Variants in GABRA4 observed in about 807,000 individuals in gnomAD.
GABRA4 encodes the protein gamma-aminobutyric acid type A receptor subunit alpha4.
In GABRA4, 12 loss-of-function variants were observed where a neutral mutation model predicts 49.7. The observed-to-expected ratio is 0.24, with a 90% CI of 0.15 to 0.39. The LOEUF (loss-of-function observed/expected upper bound fraction) is 0.39. Ranked by LOEUF, GABRA4 falls within the 10% of genes least tolerant of loss-of-function variation. The pLI, the probability that GABRA4 is intolerant of heterozygous loss-of-function variation, is 1.00. For missense variants in GABRA4, 506 were observed against 686.0 expected (o/e 0.74, Z 2.93); for synonymous variants, 288 against 240.2 (o/e 1.20, Z -1.84).
chr4:46,979,389 A>G (rs1723270355), intron 2 of GABRA4, among the ~76,000 whole-genome samples: 1 of 152,086 alleles, frequency 6.6e-6, no homozygotes, highest in East Asian at 1.9e-4. Context: ...ATGCAGAGAC[A>G]CAAAAGCTTT....
At chr4:46,963,543 T>C (rs1032046519) in intron 8 of GABRA4, among the ~76,000 whole-genome samples, 1 of 151,832 alleles carries the variant, frequency 6.6e-6, no homozygotes, top group Admixed American at 6.6e-5. Flanking sequence ...CCTCCCACCA[T>C]GATTCTGAGG....
At chr4:46,971,664 T>C (rs1722951598) in intron 6 of GABRA4, among the ~76,000 whole-genome samples, 1 of 150,990 alleles carries the variant, frequency 6.6e-6, no homozygotes, top group African/African-American at 2.4e-5. Flanking sequence ...CACACATTTA[T>C]GAAAATATAA....
At chr4:46,943,978 C>T (rs1005886428) in intron 8 of GABRA4, among the ~76,000 whole-genome samples, 26 of 151,772 alleles carry the variant, frequency 1.7e-4, no homozygotes, top group African/African-American at 5.6e-4. Flanking sequence ...GTGGTGTGGG[C>T]CAGGGGGGAA....
rs1246204112 is a variant in GABRA4 at position 46,924,090 on chromosome 4, A to G, written c.*4135T>C. On this transcript the variant is annotated 3_prime_UTR_variant, in exon 9 of 9. Coordinates refer to ENST00000264318, the MANE Select transcript of GABRA4 (RefSeq NM_000809.4). ...TTATATCTGTGAAACCTTCTCTGCTATCACTCTTGTTCCTCTCCTTCAACA... is the reference window on the plus strand; with the variant it reads ...TTATATCTGTGAAACCTTCTCTGCTGTCACTCTTGTTCCTCTCCTTCAACA... 6.6e-5 allele frequency: 10 copies of G among 152,174 alleles called. No homozygotes were observed. The highest frequency in any genetic ancestry group is 2.4e-4 in the African/African-American group (10 of 41,450). 9.4% of individuals were successfully genotyped at this position (152,174 alleles called of 1,614,324 possible).
chr4:46,959,675 A>G lies in GABRA4; in HGVS notation c.1134+5295T>C, dbSNP rs569687279. Among the ~76,000 whole-genome samples, 7 of 142,104 alleles carry G rather than the reference A, an allele frequency of 4.9e-5. No individual in the cohort carries two copies. In the East Asian group the frequency reaches 7.0e-4, roughly 14 times the overall value. 93.2% of individuals were successfully genotyped at this position (142,104 alleles called of 152,430 possible). ...TTCCCATCTTTGGAAATTCAGCAGA[A>G]TGGTTTTATTCTGATTAAGTAGTAC... On this transcript the variant is annotated intron_variant, in intron 8 of 8. Transcript: ENST00000264318.
At chr4:46,943,069 C>T (rs966399204) in intron 8 of GABRA4, among the ~76,000 whole-genome samples, 1 of 152,078 alleles carries the variant, frequency 6.6e-6, no homozygotes, top group East Asian at 1.9e-4. Context: ...AGGCACTGTT[C>T]TTGGCTCTGG....
At chr4:46,949,843 A>G (rs1263088412) in intron 8 of GABRA4, among the ~76,000 whole-genome samples, 2 of 152,138 alleles carry the variant, frequency 1.3e-5, no homozygotes, top group Non-Finnish European at 2.9e-5. Context: ...AAAGCTAATC[A>G]AGGAGAGATT....
intron 7 of GABRA4, among the ~76,000 whole-genome samples, chr4:46,970,206 T>C (rs1250523071): frequency 6.6e-6 from 1 of 151,402 alleles, no homozygotes; most frequent in Non-Finnish European, 1.5e-5. Flanking sequence ...TCTTCAGCTA[T>C]TGTGTGATAA....
At chr4:46,970,937 A>C in intron 7 of GABRA4, 146 bp downstream of exon 7, 1 of 702,240 alleles carries the variant, frequency 1.4e-6, no homozygotes, top group Non-Finnish European at 2.3e-6. Context: ...ATTACTTTGT[A>C]CTGGCTAGAT....
In GABRA4 at chr4:46,927,121, ACT is replaced by A. The variant is rs1436298852; in HGVS notation, c.*1102_*1103del. ...GATTCTGATCAAATTCTACTCTGTGACTCTGATCAAATTTGCGACAGTTAATC... is the reference window on the plus strand; with the variant it reads ...GATTCTGATCAAATTCTACTCTGTGACTGATCAAATTTGCGACAGTTAATC... On this transcript the variant is annotated 3_prime_UTR_variant, in exon 9 of 9. Coordinates refer to ENST00000264318, the MANE Select transcript of GABRA4 (RefSeq NM_000809.4). The A allele has an allele frequency of 1.3e-5, 2 of 151,928 alleles. No individual in the cohort carries two copies. Among genetic ancestry groups the A allele is most frequent in the African/African-American group, 4.8e-5 (2 of 41,404 alleles). The allele number at this position is 151,928 out of a possible 1,614,324, so 9.4% of individuals were successfully genotyped here. A position where few individuals can be genotyped will look rare whatever the true frequency, so the allele number is the denominator to read the frequency against.
At chr4:46,982,272 A>C (rs1457574324) in intron 2 of GABRA4, among the ~76,000 whole-genome samples, 4 of 152,100 alleles carry the variant, frequency 2.6e-5, no homozygotes, top group African/African-American at 9.7e-5. Context: ...ATGTGACCAT[A>C]TTTGGAGATA....
At chr4:46,950,045 G>C (rs1284182085) in intron 8 of GABRA4, among the ~76,000 whole-genome samples, 2 of 152,032 alleles carry the variant, frequency 1.3e-5, no homozygotes, top group Non-Finnish European at 2.9e-5. Flanking sequence ...GCCATTTTTA[G>C]ATCAGCCCGT....
chr4:46,950,923 C>T (rs947774131), intron 8 of GABRA4, among the ~76,000 whole-genome samples: 4 of 151,704 alleles, frequency 2.6e-5, no homozygotes, highest in Admixed American at 2.0e-4. Flanking sequence ...TATTAGATTC[C>T]TTCCTTCACT....
chr4:46,935,551 T>G (rs1370022555), intron 8 of GABRA4, among the ~76,000 whole-genome samples: 1 of 152,082 alleles, frequency 6.6e-6, no homozygotes, highest in Non-Finnish European at 1.5e-5. Context: ...ATGGCCATCA[T>G]GTCTAATAAT....
chr4:46,986,147 A>G (rs1472326082), intron 2 of GABRA4, among the ~76,000 whole-genome samples: 6 of 152,046 alleles, frequency 3.9e-5, no homozygotes, highest in Admixed American at 3.9e-4. Context: ...TTTTCCTTAT[A>G]TACAGCATTG....
At chr4:46,965,499 C>T (rs1344082134) in intron 7 of GABRA4, among the ~76,000 whole-genome samples, 4 of 151,688 alleles carry the variant, frequency 2.6e-5, no homozygotes, top group Admixed American at 2.6e-4. Flanking sequence ...ATTCTTTGGG[C>T]TTTATTTGAT....
rs1721052217 is a variant in GABRA4 at position 46,922,036 on chromosome 4, A to G, written c.*6189T>C. 2.0e-5 allele frequency: 3 copies of G among 152,166 alleles called. No homozygotes were observed. Among genetic ancestry groups the G allele is most frequent in the Non-Finnish European group, 4.4e-5 (3 of 68,034 alleles). 9.4% of individuals were successfully genotyped at this position (152,166 alleles called of 1,614,324 possible). ...CAAGAAAAAGACAAAATCTGTCTTCATACGATTTTACTATATACTTCCGAA... is the reference window on the plus strand; with the variant it reads ...CAAGAAAAAGACAAAATCTGTCTTCGTACGATTTTACTATATACTTCCGAA... On this transcript the variant is annotated 3_prime_UTR_variant, in exon 9 of 9. Transcript: ENST00000264318.
intron 8 of GABRA4, among the ~76,000 whole-genome samples, chr4:46,963,708 C>T (rs1722655547): frequency 6.6e-6 from 1 of 151,758 alleles, no homozygotes; most frequent in African/African-American, 2.4e-5. Flanking sequence ...TAAAGGTGCT[C>T]AACATCACTG....
rs201681795 is a variant in GABRA4 at position 46,964,975 on chromosome 4, G to A, written c.1129C>T (p.Leu377=). Residue 377 remains leucine (L), a synonymous_variant, in exon 8 of 9, where the codon CTG becomes TTG. Transcript: ENST00000264318. ...VQREKHPEAP[L]QNTNANLNMR... ...AGGTGGATTAAGTCAAATACCTGCA[G>A]AGGGGCTTCAGGATGCTTCTCTCTC... 210 of 1,596,760 alleles carry A rather than the reference G, an allele frequency of 1.3e-4. No individual in the cohort carries two copies. The highest frequency in any genetic ancestry group is 1.1e-4 in the Non-Finnish European group (124 of 1,170,524).
Sources: gnomAD v4.1 joint callset for allele counts (sites outside exome capture counted in the v4.1 genomes callset) on GRCh38, gnomAD v4.1.1 for gene constraint, MANE v1.5 for transcripts, NCBI Gene and HGNC (gene_info 2026-07-23, HGNC 2026-07-21) for gene names.